Variants in MAGI1 observed in about 807,000 individuals in gnomAD.
MAGI1 encodes the protein membrane associated guanylate kinase, WW and PDZ domain containing 1, also known as membrane-associated guanylate kinase, WW and PDZ domain-containing protein 1.
Under a neutral mutation model 139.9 loss-of-function variants are expected in MAGI1, and 58 were observed. The observed-to-expected ratio is 0.41, with a 90% CI of 0.34 to 0.52. MAGI1 has a LOEUF of 0.52. Ranked by LOEUF, MAGI1 falls within the 20% of genes least tolerant of loss-of-function variation. The pLI, the probability that MAGI1 is intolerant of heterozygous loss-of-function variation, is 0.12. For synonymous variants in MAGI1, 812 were observed against 737.9 expected (o/e 1.10, Z -1.63); for missense variants, 1,874 against 1,901.6 (o/e 0.99, Z 0.27).
rs565849435 is a variant in MAGI1 at position 65,923,486 on chromosome 3, A to C, written c.313+114510T>G. 2.8e-3 allele frequency among the ~76,000 whole-genome samples: 429 copies of C among 152,144 alleles called. 2 individuals carry two copies. Among genetic ancestry groups the C allele is most frequent in the African/African-American group, 9.6e-3 (397 of 41,522 alleles). On this transcript the variant is annotated intron_variant, in intron 1 of 22. Coordinates refer to ENST00000402939, the MANE Select transcript of MAGI1 (RefSeq NM_001033057.2). ...ATGATCCGCCCACCTCGGCCTCCCA[A>C]AGTGCTGGGATTACAGGCATGAGCC...
At chr3:65,852,979 CAAAAAAAA>C (rs57460083) in intron 1 of MAGI1, among the ~76,000 whole-genome samples, 4 of 104,242 alleles carry the variant, frequency 3.8e-5, no homozygotes, top group Non-Finnish European at 6.8e-5. Context: ...ACTAAAAATA[CAAAAAAAA>C]AAAAAAAAAA....
intron 1 of MAGI1, among the ~76,000 whole-genome samples, chr3:66,024,616 G>A (rs1212752544): frequency 6.6e-6 from 1 of 152,124 alleles, no homozygotes; most frequent in African/African-American, 2.4e-5. Context: ...AGACCAGCCT[G>A]GCCAACATGG....
chr3:65,448,567 C>A (rs1948816574), intron 6 of MAGI1, among the ~76,000 whole-genome samples: 2 of 152,088 alleles, frequency 1.3e-5, no homozygotes, highest in South Asian at 4.1e-4. Flanking sequence ...AATGAGCTAA[C>A]TTTGATGTCT....
intron 12 of MAGI1, among the ~76,000 whole-genome samples, chr3:65,425,838 C>T (rs1462895635): frequency 6.6e-6 from 1 of 152,056 alleles, no homozygotes. Flanking sequence ...GTTACGCTAT[C>T]TACATGAGCC....
At chr3:65,975,777 AC>A (rs2065237029) in intron 1 of MAGI1, among the ~76,000 whole-genome samples, 1 of 152,190 alleles carries the variant, frequency 6.6e-6, no homozygotes, top group African/African-American at 2.4e-5. Flanking sequence ...TTAAGTCATA[AC>A]TGACAGCTGT....
intron 1 of MAGI1, among the ~76,000 whole-genome samples, chr3:65,791,279 G>A (rs950855538): frequency 2.6e-5 from 4 of 152,152 alleles, no homozygotes; most frequent in African/African-American, 7.2e-5. Context: ...AAAAACCCAA[G>A]AGGGGCGCAT....
intron 2 of MAGI1, among the ~76,000 whole-genome samples, chr3:65,532,599 C>G (rs11720595): frequency 0.13 from 20,191 of 152,162 alleles, 1,502 homozygotes; most frequent in Admixed American, 0.17. Flanking sequence ...GGCTACAGTG[C>G]AAAAACAGCA....
chr3:65,967,425 C>T (rs546753232), intron 1 of MAGI1, among the ~76,000 whole-genome samples: 1 of 152,262 alleles, frequency 6.6e-6, no homozygotes, highest in South Asian at 2.1e-4. Context: ...CCAATAATGT[C>T]AGGATGAAAG....
At chr3:65,571,938 C>T (rs745822366) in intron 2 of MAGI1, among the ~76,000 whole-genome samples, 1 of 151,966 alleles carries the variant, frequency 6.6e-6, no homozygotes, top group African/African-American at 2.4e-5. Flanking sequence ...ATATACCCAA[C>T]CTCATAACAG....
chr3:65,910,555 C>A (rs966047169), intron 1 of MAGI1, among the ~76,000 whole-genome samples: 1 of 152,066 alleles, frequency 6.6e-6, no homozygotes, highest in South Asian at 2.1e-4. Flanking sequence ...AACACTGATA[C>A]GATGGAGGAC....
At chr3:65,669,671 C>T (rs1220140140) in intron 1 of MAGI1, among the ~76,000 whole-genome samples, 3 of 152,184 alleles carry the variant, frequency 2.0e-5, no homozygotes, top group Admixed American at 2.0e-4. Flanking sequence ...TACAATTCTT[C>T]AAAGAAATGC....
At chr3:65,744,887 T>C (rs115564255) in intron 1 of MAGI1, among the ~76,000 whole-genome samples, 1,744 of 152,188 alleles carry the variant, frequency 0.011, 32 homozygotes, top group African/African-American at 0.039. Context: ...CATTATACAA[T>C]TATCACTACT....
chr3:65,391,269 G>T lies in MAGI1; in HGVS notation c.2289C>A (p.Ser763Arg), dbSNP rs777639807. 16 of 1,614,210 alleles carry T rather than the reference G, an allele frequency of 9.9e-6. No homozygotes were observed. The highest frequency in any genetic ancestry group is 1.4e-5 in the Non-Finnish European group (16 of 1,180,042). Reference protein sequence around the residue: ...RSLHTASPSHSTQVLPEFPPA... With the variant: ...RSLHTASPSHRTQVLPEFPPA... The stretch of plus-strand genomic sequence containing the variant: ...GTGGGAACTCGGGGAGCACCTGTGT[G>T]CTGTGGCTTGGGGATGCTGTGTGCA... The change falls in exon 14 of 23, where the codon AGC (serine) becomes AGA (arginine). Residue 763 changes from serine (S) to arginine (R), a missense_variant. Transcript: ENST00000402939.
intron 1 of MAGI1, among the ~76,000 whole-genome samples, chr3:65,660,194 T>C (rs2086116330): frequency 6.6e-6 from 1 of 152,226 alleles, no homozygotes; most frequent in Non-Finnish European, 1.5e-5. Flanking sequence ...GTTCATTGAC[T>C]TGTTGATTCA....
intron 1 of MAGI1, among the ~76,000 whole-genome samples, chr3:65,649,617 A>G (rs553907055): frequency 2.3e-4 from 35 of 152,334 alleles, no homozygotes; most frequent in Non-Finnish European, 5.0e-4. Context: ...TATCTGGAAC[A>G]TATAAATAAC....
intron 1 of MAGI1, among the ~76,000 whole-genome samples, chr3:65,730,466 AAG>A (rs2034072478): frequency 6.6e-6 from 1 of 152,194 alleles, no homozygotes; most frequent in Non-Finnish European, 1.5e-5. Context: ...CATCTTTACT[AAG>A]GAAGGGAATC....
intron 1 of MAGI1, among the ~76,000 whole-genome samples, chr3:65,849,001 C>CTTTTTTTCTTT (rs2059106954): frequency 2.5e-5 from 1 of 39,636 alleles, no homozygotes; most frequent in African/African-American, 9.5e-5. Flanking sequence ...TCAGAGCATT[C>CTTTTTTTCTTT]TTTTTTTTTT....
At chr3:65,682,037 T>A (rs2087626797) in intron 1 of MAGI1, among the ~76,000 whole-genome samples, 1 of 152,144 alleles carries the variant, frequency 6.6e-6, no homozygotes, top group Admixed American at 6.5e-5. Context: ...AATAACATCA[T>A]TCACATCCAC....
At chr3:65,957,536 A>AAAAAG (rs2064193217) in intron 1 of MAGI1, among the ~76,000 whole-genome samples, 1 of 32,416 alleles carries the variant, frequency 3.1e-5, no homozygotes. Context: ...AAAAAAAAAG[A>AAAAAG]AAAAGAAAAG....
Sources: allele counts gnomAD v4.1 joint callset (sites outside exome capture counted in the v4.1 genomes callset), GRCh38; gene constraint gnomAD v4.1.1; transcripts MANE v1.5; gene names NCBI Gene and HGNC (gene_info 2026-07-23, HGNC 2026-07-21).